PTPN12: variants seen among roughly 807,000 people sequenced by gnomAD.
PTPN12 encodes tyrosine-protein phosphatase non-receptor type 12.
In PTPN12, 29 loss-of-function variants were observed where a neutral mutation model predicts 97.6. The ratio of observed to expected loss-of-function variants is 0.30; its 90% CI spans 0.22 to 0.41. The LOEUF (loss-of-function observed/expected upper bound fraction) is 0.41. Ranked by LOEUF, PTPN12 falls within the 10% of genes least tolerant of loss-of-function variation. The pLI is 1.00. For missense variants in PTPN12, 819 were observed against 926.0 expected, an observed-to-expected ratio of 0.88 and a Z score of 1.50; for synonymous variants, 327 against 300.4, an observed-to-expected ratio of 1.09 and a Z score of -0.91.
At chr7:77,621,572 G>A (rs951033055) in intron 12 of PTPN12, among the ~76,000 whole-genome samples, 6 of 152,046 alleles carry the variant, frequency 3.9e-5, no homozygotes, top group African/African-American at 1.5e-4. Context: ...GGGAGGCTAA[G>A]GCAAAAGAAT....
rs201914315 is a variant in PTPN12 at position 77,537,675 on chromosome 7, C to G, written c.99+30C>G. 2.5e-4 allele frequency: 396 copies of G among 1,558,704 alleles called. 2 individuals are homozygous for G. The East Asian group carries it at 9.5e-3, about 38-fold the overall frequency. On this transcript the variant is annotated intron_variant, in intron 1 of 17. Transcript: ENST00000248594. Reference sequence around the variant, plus strand: ...GTCTCTCCCCTCGCTGTCGCGTTTTCTTGCCGGCGCCGGAGCCCATCGCCG... The same window carrying G: ...GTCTCTCCCCTCGCTGTCGCGTTTTGTTGCCGGCGCCGGAGCCCATCGCCG...
At position 77,583,541 on chromosome 7, in the gene PTPN12, T is replaced by C. The variant is rs1329747600; in HGVS notation, c.286-14T>C. 6.4e-7 allele frequency: 1 copy of C among 1,551,960 alleles called. No individual in the cohort carries two copies. The highest frequency in any genetic ancestry group is 1.2e-5 in the South Asian group (1 of 84,952). ...ATCAAAATAAATGTGAAATTTGCTT[T>C]TAACCATTTTTAGGGCGTCTATGGG... On this transcript the variant is annotated splice_polypyrimidine_tract_variant and intron_variant, in intron 3 of 17. Transcript: ENST00000248594.
chr7:77,625,518 T>TCTCTCTCTCTCTCTCTCTCTCA (rs1789131150), intron 12 of PTPN12, among the ~76,000 whole-genome samples: 1 of 82,010 alleles, frequency 1.2e-5, no homozygotes, highest in Non-Finnish European at 2.4e-5. Context: ...TCTCTCTCTC[T>TCTCTCTCTCTCTCTCTCTCTCA]CTCTCACTCT....
intron 13 of PTPN12, among the ~76,000 whole-genome samples, chr7:77,629,454 T>C (rs979625116): frequency 6.6e-5 from 10 of 152,160 alleles, no homozygotes; most frequent in African/African-American, 7.2e-5. Context: ...TAAGAAAATA[T>C]GTAGATAAGA....
At chr7:77,636,017 G>T (rs1789577465) in intron 15 of PTPN12, among the ~76,000 whole-genome samples, 168 bp downstream of exon 15, 2 of 152,066 alleles carry the variant, frequency 1.3e-5, no homozygotes, top group Non-Finnish European at 2.9e-5. Context: ...CCATATAAAA[G>T]GTAGGTTCTG....
chr7:77,599,317 C>CT (rs10624183), intron 7 of PTPN12, among the ~76,000 whole-genome samples: 4,359 of 123,836 alleles, frequency 0.035, 187 homozygotes, highest in Middle Eastern at 0.076. Flanking sequence ...AGCGCCCCGA[C>CT]TTTTTTTTTT....
rs11341609 is a variant in PTPN12, at chr7:77,582,084, C to CTTTTTTTTTTTTTTTTTTT, written c.285+591_285+609dup. ...CCCTTTGATGAAAAGCAGTCAAGTTCTTTTTTTTTTTTTTTTTTTTTTTTT... is the reference window on the plus strand; with the variant it reads ...CCCTTTGATGAAAAGCAGTCAAGTTCTTTTTTTTTTTTTTTTTTTTTTTTTTTTTTTTTTTTTTTTTTTT... On this transcript the variant is annotated intron_variant, in intron 3 of 17. Coordinates refer to ENST00000248594, the MANE Select transcript of PTPN12 (RefSeq NM_002835.4). Among the ~76,000 whole-genome samples the CTTTTTTTTTTTTTTTTTTT allele has an allele frequency of 4.5e-4, 24 of 52,868 alleles. 6 individuals are homozygous for CTTTTTTTTTTTTTTTTTTT. The highest frequency in any genetic ancestry group is 6.3e-4 in the Non-Finnish European group (19 of 30,310). 34.7% of individuals were successfully genotyped at this position (52,868 alleles called of 152,430 possible).
chr7:77,639,328 C>CAGTGG lies in PTPN12; in HGVS notation c.*48_*49insAGTGG. 7.1e-7 allele frequency: 1 copy of CAGTGG among 1,416,496 alleles called. No homozygotes were observed. The allele number at this position is 1,416,496 out of a possible 1,614,324, so 87.7% of individuals were successfully genotyped here. ...TAAGTTATACTGGAAAATTCAGGTG[C>CAGTGG]CACTGAAAGCCAGATTTATAGTATT... On this transcript the variant is annotated 3_prime_UTR_variant, in exon 18 of 18. Transcript: ENST00000248594.
intron 5 of PTPN12, among the ~76,000 whole-genome samples, chr7:77,587,639 A>G (rs897102699): frequency 6.6e-6 from 1 of 152,180 alleles, no homozygotes; most frequent in Non-Finnish European, 1.5e-5. Flanking sequence ...AACCCCTAAC[A>G]AGAGAGTCAG....
At chr7:77,563,991 C>T in intron 1 of PTPN12, 1 of 411,672 alleles carries the variant, frequency 2.4e-6, no homozygotes, top group Non-Finnish European at 4.8e-6. Context: ...CTCACTGCAA[C>T]CTCAGCCTCC....
intron 8 of PTPN12, among the ~76,000 whole-genome samples, chr7:77,604,209 C>CTTTTTTTTTTTTTTTTT (rs71082768): frequency 1.1e-4 from 6 of 52,790 alleles, no homozygotes; most frequent in Non-Finnish European, 1.9e-4. Context: ...TTTTTTCTTC[C>CTTTTTTTTTTTTTTTTT]TTTTTTTTTT....
At chr7:77,586,241 A>C (rs1787686436) in intron 5 of PTPN12, among the ~76,000 whole-genome samples, 1 of 152,230 alleles carries the variant, frequency 6.6e-6, no homozygotes, top group African/African-American at 2.4e-5. Context: ...GACGTGAGCC[A>C]CTGCGCCTGG....
At chr7:77,592,149 A>G (rs768973860) in intron 5 of PTPN12, 36 bp from the exon 6 acceptor site, 29 of 1,540,678 alleles carry the variant, frequency 1.9e-5, no homozygotes, top group Non-Finnish European at 2.4e-5. Context: ...AAAAACTTAC[A>G]TGAATTACTT....
Position 77,537,355 on chromosome 7 carries a change from T to G in PTPN12, c.-192T>G, listed in dbSNP as rs1806701172. On this transcript the variant is annotated 5_prime_UTR_variant, in exon 1 of 18. Transcript: ENST00000248594. ...CGGCGGCTGCTCCTGGAAGTTGTGG[T>G]GTCGGGAGCCCAGCCGGTGCCGCCG... 3 of 600,602 alleles carry G rather than the reference T, an allele frequency of 5.0e-6. No homozygotes were observed. Among genetic ancestry groups the G allele is most frequent in the South Asian group, 5.0e-5 (2 of 40,206 alleles). The allele number at this position is 600,602 out of a possible 1,614,324, so 37.2% of individuals were successfully genotyped here.
At chr7:77,632,889 G>A (rs1789451952) in intron 14 of PTPN12, among the ~76,000 whole-genome samples, 1 of 152,184 alleles carries the variant, frequency 6.6e-6, no homozygotes, top group African/African-American at 2.4e-5. Context: ...CCCGGGAGTT[G>A]GAGGTTGCAG....
rs138889710 is a variant in PTPN12, at chr7:77,537,983, G to T, written c.99+338G>T. On this transcript the variant is annotated intron_variant, in intron 1 of 17. Transcript: ENST00000248594. ...TAGGCAAGTGAGGTGCAGGCCGGGG[G>T]GGGGGGCTCGCGTTTCCACACCTCC... 2.8e-4 allele frequency: 275 copies of T among 989,822 alleles called. 4 individuals carry two copies. In the African/African-American group the frequency reaches 4.2e-3, roughly 15 times the overall value. 61.3% of individuals were successfully genotyped at this position (989,822 alleles called of 1,614,324 possible). A position where few individuals can be genotyped will look rare whatever the true frequency, so the allele number is the denominator to read the frequency against.
chr7:77,608,588 C>G (rs1788453627), intron 9 of PTPN12, among the ~76,000 whole-genome samples: 1 of 152,102 alleles, frequency 6.6e-6, no homozygotes, highest in African/African-American at 2.4e-5. Context: ...ATGAATTGTT[C>G]ATCTTTGTCT....
intron 1 of PTPN12, among the ~76,000 whole-genome samples, chr7:77,546,341 A>G (rs1807219489): frequency 1.3e-5 from 2 of 152,254 alleles, no homozygotes; most frequent in Non-Finnish European, 2.9e-5. Flanking sequence ...TATCACAAGA[A>G]AAAAAGCCTT....
intron 12 of PTPN12, 147 bp downstream of exon 12, chr7:77,618,712 T>C (rs1294400189): frequency 1.7e-6 from 1 of 576,572 alleles, no homozygotes; most frequent in Non-Finnish European, 2.9e-6. Context: ...TGACAACTGA[T>C]TTGTTACTGG....
Sources: gnomAD v4.1 joint callset for allele counts (sites outside exome capture counted in the v4.1 genomes callset) on GRCh38, gnomAD v4.1.1 for gene constraint, MANE v1.5 for transcripts, NCBI Gene and HGNC (gene_info 2026-07-23, HGNC 2026-07-21) for gene names.